Variants in MICAL2 observed in about 807,000 individuals in gnomAD.
MICAL2 encodes the protein [F-actin]-monooxygenase MICAL2.
A neutral mutation model predicts 127.3 loss-of-function variants in MICAL2; 77 were observed. The observed-to-expected ratio is 0.60, with a 90% CI of 0.50 to 0.73. The LOEUF (loss-of-function observed/expected upper bound fraction) is 0.73, where lower values mean the gene tolerates loss of function less well. Ranked by LOEUF, MICAL2 falls within the 30% of genes least tolerant of loss-of-function variation. The pLI is 0.00. For missense variants in MICAL2, 1,351 were observed against 1,434.4 expected, an observed-to-expected ratio of 0.94 and a Z score of 0.94; for synonymous variants, 570 against 551.1, an observed-to-expected ratio of 1.03 and a Z score of -0.48.
intron 21 of MICAL2, among the ~76,000 whole-genome samples, chr11:12,248,813 C>T (rs913613131): frequency 1.1e-4 from 17 of 152,244 alleles, no homozygotes; most frequent in Admixed American, 1.1e-3. Flanking sequence ...CACTGTTCCT[C>T]CTTCTATCCT....
At chr11:12,188,892 C>T (rs1005934041) in intron 3 of MICAL2, among the ~76,000 whole-genome samples, 13 of 152,044 alleles carry the variant, frequency 8.6e-5, no homozygotes, top group African/African-American at 2.2e-4. Flanking sequence ...TGTCACTATG[C>T]GGACTCTCTG....
intron 2 of MICAL2, among the ~76,000 whole-genome samples, chr11:12,157,674 A>G (rs1024620931): frequency 6.7e-6 from 1 of 150,212 alleles, no homozygotes; most frequent in East Asian, 1.9e-4. Context: ...CTTTAATAAG[A>G]GCTAGTTACC....
chr11:12,259,585 T>C lies in MICAL2; in HGVS notation c.3232-210T>C, dbSNP rs570828164. 1.1e-5 allele frequency: 5 copies of C among 440,798 alleles called. No homozygotes were observed. The Admixed American group carries it at 2.0e-4, about 18-fold the overall frequency. The allele number at this position is 440,798 out of a possible 1,614,324, so 27.3% of individuals were successfully genotyped here. A position where few individuals can be genotyped will look rare whatever the true frequency, so the allele number is the denominator to read the frequency against. ...GATTGCCGATCAAAAGGCATGCATA[T>C]TTTTGAAGGCTCGTGACTCCTATGG... is the stretch of plus-strand genomic sequence containing the variant. On this transcript the variant is annotated intron_variant, in intron 25 of 27. Transcript: ENST00000683283.
chr11:12,360,477 G>T (rs898931606), downstream of MICAL2, among the ~76,000 whole-genome samples: 1 of 152,130 alleles, frequency 6.6e-6, no homozygotes, highest in Non-Finnish European at 1.5e-5. Flanking sequence ...ATAAGAAAAA[G>T]ATTTATAACT....
intron 4 of MICAL2, 94 bp downstream of exon 4, chr11:12,204,551 A>G (rs1161069503): frequency 1.0e-5 from 13 of 1,282,448 alleles, no homozygotes; most frequent in South Asian, 1.3e-5. Context: ...AGCTTGTTCC[A>G]TCTTAGTCCC....
intron 22 of MICAL2, chr11:12,253,373 TGCCCAGTGTGC>T: frequency 6.6e-6 from 1 of 152,362 alleles, no homozygotes; most frequent in African/African-American, 2.4e-5. Flanking sequence ...CTGTCCTACC[TGCCCAGTGTGC>T]GCCCATTCCA....
intron 2 of MICAL2, among the ~76,000 whole-genome samples, chr11:12,281,288 C>T (rs1024130422): frequency 6.6e-6 from 1 of 152,192 alleles, no homozygotes; most frequent in African/African-American, 2.4e-5. Context: ...GGCCTGGCTT[C>T]CCTCTCCATG....
intron 3 of MICAL2, among the ~76,000 whole-genome samples, chr11:12,184,832 A>G (rs1034332250): frequency 1.3e-5 from 2 of 151,630 alleles, no homozygotes; most frequent in Admixed American, 1.3e-4. Context: ...AGATTGCTCA[A>G]AGGAACTGTC....
chr11:12,193,670 C>T (rs766982213), intron 3 of MICAL2, among the ~76,000 whole-genome samples: 29 of 152,172 alleles, frequency 1.9e-4, no homozygotes, highest in Non-Finnish European at 4.0e-4. Flanking sequence ...CCAGCTCCAC[C>T]CTTTATCAGC....
At chr11:12,159,577 C>T (rs1854550378) in intron 2 of MICAL2, among the ~76,000 whole-genome samples, 1 of 152,232 alleles carries the variant, frequency 6.6e-6, no homozygotes, top group African/African-American at 2.4e-5. Flanking sequence ...GAGGCAATAG[C>T]TCTGAAGCCT....
At chr11:12,272,807 A>G (rs920902108), upstream of MICAL2, among the ~76,000 whole-genome samples, 18 of 151,720 alleles carry the variant, frequency 1.2e-4, no homozygotes, top group African/African-American at 4.4e-4. Flanking sequence ...CTGAAGGGGT[A>G]GTGGCCACCT....
downstream of MICAL2, chr11:12,293,768 G>A (rs1413460809): frequency 6.2e-7 from 1 of 1,613,894 alleles, no homozygotes; most frequent in South Asian, 1.1e-5. Context: ...GACTTCTGAT[G>A]AGTGCCAGCC....
At chr11:12,139,653 T>C (rs1438639303) in intron 2 of MICAL2, among the ~76,000 whole-genome samples, 1 of 152,106 alleles carries the variant, frequency 6.6e-6, no homozygotes, top group African/African-American at 2.4e-5. Context: ...GAATTCTCAT[T>C]CTTAGTATCT....
At chr11:12,130,881 G>C (rs935116998) in intron 1 of MICAL2, among the ~76,000 whole-genome samples, 2 of 152,212 alleles carry the variant, frequency 1.3e-5, no homozygotes, top group African/African-American at 4.8e-5. Flanking sequence ...CCCTGATACT[G>C]CTGTGGGAAG....
chr11:12,138,009 C>A (rs1295195222), intron 1 of MICAL2, among the ~76,000 whole-genome samples: 2 of 152,206 alleles, frequency 1.3e-5, no homozygotes, highest in Non-Finnish European at 2.9e-5. Context: ...TCCAGTTTTA[C>A]ACCTGCTTGA....
chr11:12,343,709 C>T lies in MICAL2; in HGVS notation c.5516-6129C>T, dbSNP rs147466686. ...CAGCAAAATAGTGTCTTGAAAGCTG[C>T]TTCTTTTGGATCGAGAACAAGGAAG... On this transcript the variant is annotated intron_variant, in intron 32 of 34. Transcript: ENST00000646065. Among the ~76,000 whole-genome samples, 385 of 152,254 alleles carry T rather than the reference C, an allele frequency of 2.5e-3. 1 individual carries two copies. The highest frequency in any genetic ancestry group is 4.1e-3 in the Admixed American group (63 of 15,288).
intron 3 of MICAL2, among the ~76,000 whole-genome samples, chr11:12,183,301 C>T (rs1857721308): frequency 6.6e-6 from 1 of 152,046 alleles, no homozygotes; most frequent in African/African-American, 2.4e-5. Flanking sequence ...TCTATTTCAA[C>T]TCAGTTTTCA....
At chr11:12,284,124 C>T (rs927700759) in intron 2 of MICAL2, among the ~76,000 whole-genome samples, 5 of 152,142 alleles carry the variant, frequency 3.3e-5, no homozygotes, top group African/African-American at 1.2e-4. Flanking sequence ...CTAAATGAAT[C>T]GATCTAGTGC....
intron 3 of MICAL2, among the ~76,000 whole-genome samples, chr11:12,175,449 C>A (rs1206536273): frequency 4.6e-5 from 7 of 152,016 alleles, no homozygotes; most frequent in Non-Finnish European, 1.0e-4. Flanking sequence ...CCACTCCAGC[C>A]CGGGCAACAG....
Sources: gnomAD v4.1 joint callset for allele counts (sites outside exome capture counted in the v4.1 genomes callset) on GRCh38, gnomAD v4.1.1 for gene constraint, MANE v1.5 for transcripts, NCBI Gene and HGNC (gene_info 2026-07-23, HGNC 2026-07-21) for gene names.